The following GNB1 variants were observed in gnomAD, a reference collection of about 807,000 sequenced individuals.
The protein encoded by GNB1 is guanine nucleotide-binding protein G(I)/G(S)/G(T) subunit beta-1.
Under a neutral mutation model 42.9 loss-of-function variants are expected in GNB1, and 2 were observed. The ratio of observed to expected loss-of-function variants is 0.05; its 90% CI spans 0.02 to 0.15. The LOEUF is 0.15. Ranked by LOEUF, GNB1 falls within the 10% of genes least tolerant of loss-of-function variation. GNB1 has a pLI of 1.00. For missense variants in GNB1, 193 were observed against 462.2 expected, an observed-to-expected ratio of 0.42 and a Z score of 5.34; for synonymous variants, 183 against 174.7, an observed-to-expected ratio of 1.05 and a Z score of -0.38.
intron 1 of GNB1, among the ~76,000 whole-genome samples, chr1:1,875,878 G>A (rs1477850009): frequency 6.6e-6 from 1 of 152,056 alleles, no homozygotes; most frequent in African/African-American, 2.4e-5. Context: ...ACCTGGGAAT[G>A]TGACCTTATT....
chr1:1,808,322 C>G (rs1393140296), intron 5 of GNB1, among the ~76,000 whole-genome samples: 1 of 152,028 alleles, frequency 6.6e-6, no homozygotes, highest in African/African-American at 2.4e-5. Context: ...TTTTTCATAA[C>G]TATTTCCTTG....
chr1:1,789,319 CAT>C (rs748540335), intron 9 of GNB1, 50 bp from the exon 10 acceptor site: 4 of 1,053,190 alleles, frequency 3.8e-6, no homozygotes, highest in Non-Finnish European at 5.9e-6. Context: ...CAGAAAGAAA[CAT>C]TGGGAATATG....
At chr1:1,817,997 A>C (rs929052100) in intron 3 of GNB1, 122 bp from the exon 4 acceptor site, 1 of 720,984 alleles carries the variant, frequency 1.4e-6, no homozygotes, top group African/African-American at 1.7e-5. Context: ...AGAATGTGAA[A>C]GAACGGCAGA....
chr1:1,885,297 C>CA (rs1356778096), intron 1 of GNB1, among the ~76,000 whole-genome samples: 2 of 150,668 alleles, frequency 1.3e-5, no homozygotes, highest in Non-Finnish European at 3.0e-5. Flanking sequence ...CCTGTAATCT[C>CA]AGCTACTTGG....
chr1:1,854,928 A>G (rs1380048210), intron 1 of GNB1, among the ~76,000 whole-genome samples: 1 of 152,064 alleles, frequency 6.6e-6, no homozygotes, highest in East Asian at 1.9e-4. Flanking sequence ...TGGGAGTCCA[A>G]GGCAGGTGGA....
chr1:1,846,228 A>G (rs1300422960), intron 1 of GNB1, among the ~76,000 whole-genome samples: 1 of 152,008 alleles, frequency 6.6e-6, no homozygotes, highest in East Asian at 1.9e-4. Flanking sequence ...AAAAAAGAGG[A>G]AAAGCGAAGC....
chr1:1,837,945 G>A (rs1647174599), intron 2 of GNB1, among the ~76,000 whole-genome samples: 1 of 150,776 alleles, frequency 6.6e-6, no homozygotes, highest in East Asian at 2.0e-4. Context: ...GCTCACGCCT[G>A]TAATCCCACA....
chr1:1,809,185 T>C (rs1348151987), intron 5 of GNB1, among the ~76,000 whole-genome samples: 1 of 139,144 alleles, frequency 7.2e-6, no homozygotes, highest in African/African-American at 2.5e-5. Flanking sequence ...ATTTTTCAGA[T>C]GCAATTTTTT....
intron 7 of GNB1, 97 bp from the exon 8 acceptor site, chr1:1,793,408 G>A (rs549207208): frequency 1.3e-5 from 10 of 757,850 alleles, no homozygotes; most frequent in East Asian, 5.3e-5. Context: ...GAAGCTCTAC[G>A]TCTAAGGTAA....
intron 1 of GNB1, among the ~76,000 whole-genome samples, chr1:1,861,732 G>A (rs1205684599): frequency 6.6e-6 from 1 of 152,022 alleles, no homozygotes; most frequent in Non-Finnish European, 1.5e-5. Context: ...TCCAGTTAGA[G>A]CTCAAACTGG....
At chr1:1,886,982 G>C (rs1310913024) in intron 1 of GNB1, among the ~76,000 whole-genome samples, 1 of 152,066 alleles carries the variant, frequency 6.6e-6, no homozygotes, top group Admixed American at 6.6e-5. Flanking sequence ...CAAAGTGCTG[G>C]GATTACAGGT....
chr1:1,864,319 A>AAAAAAAAG (rs1648795303), intron 1 of GNB1, among the ~76,000 whole-genome samples: 1 of 147,556 alleles, frequency 6.8e-6, no homozygotes, highest in Non-Finnish European at 1.5e-5. Flanking sequence ...TCTCTCAAAA[A>AAAAAAAAG]AAAAAAAAAA....
At chr1:1,831,099 A>G (rs953262191) in intron 2 of GNB1, among the ~76,000 whole-genome samples, 4 of 152,158 alleles carry the variant, frequency 2.6e-5, no homozygotes, top group African/African-American at 9.7e-5. Context: ...TGGGAGGCGG[A>G]GGCTGCAGTG....
chr1:1,815,699 G>T (rs1390599402), intron 5 of GNB1, 57 bp downstream of exon 5: 5 of 928,096 alleles, frequency 5.4e-6, no homozygotes, highest in Non-Finnish European at 8.8e-6. Context: ...TTTCCCCTAG[G>T]ACAACAGAGC....
At chr1:1,867,841 A>T (rs1335531911) in intron 1 of GNB1, among the ~76,000 whole-genome samples, 2 of 152,138 alleles carry the variant, frequency 1.3e-5, no homozygotes, top group African/African-American at 4.8e-5. Context: ...CAGTTGATCC[A>T]ATACCTTTTA....
At position 1,790,600 on chromosome 1, in the gene GNB1, G is replaced by C. The variant is rs1416410421; in HGVS notation, c.498-4C>G. ...GGTCTCGATGTCCCACAGGGCACTGGAGCAGGAGCGAATGACAAGGGGACA... is the reference window on the plus strand; with the variant it reads ...GGTCTCGATGTCCCACAGGGCACTGCAGCAGGAGCGAATGACAAGGGGACA... On this transcript the variant is annotated splice_polypyrimidine_tract_variant and splice_region_variant and intron_variant, in intron 8 of 11. Coordinates refer to ENST00000378609, the MANE Select transcript of GNB1 (RefSeq NM_002074.5). The surrounding 1 kb of genome is among the most constrained non-coding windows in gnomAD (Gnocchi z 5.4). The C allele has an allele frequency of 1.2e-6, 2 of 1,606,764 alleles. No homozygotes were observed. Among genetic ancestry groups the C allele is most frequent in the South Asian group, 2.2e-5 (2 of 90,894 alleles).
intron 7 of GNB1, among the ~76,000 whole-genome samples, chr1:1,802,597 C>T (rs947322722): frequency 6.6e-6 from 1 of 151,750 alleles, no homozygotes. Flanking sequence ...GGCAAAACCC[C>T]GTCTCTACTA....
At chr1:1,843,828 G>C (rs1647460519) in intron 1 of GNB1, among the ~76,000 whole-genome samples, 1 of 152,148 alleles carries the variant, frequency 6.6e-6, no homozygotes, top group Non-Finnish European at 1.5e-5. Flanking sequence ...GGGAGGCCGA[G>C]GCGGGTGGAT....
chr1:1,818,718 C>T (rs545033464), intron 3 of GNB1, among the ~76,000 whole-genome samples: 25 of 152,070 alleles, frequency 1.6e-4, no homozygotes, highest in African/African-American at 6.0e-4. Context: ...CAAAAAATAG[C>T]TGGGTGTGGT....
Sources: allele counts gnomAD v4.1 joint callset (sites outside exome capture counted in the v4.1 genomes callset), GRCh38; gene constraint gnomAD v4.1.1; non-coding constraint Gnocchi (gnomAD v3.1); transcripts MANE v1.5; gene names NCBI Gene and HGNC (gene_info 2026-07-23, HGNC 2026-07-21).